Variants in DAGLB observed in about 807,000 individuals in gnomAD.
DAGLB encodes diacylglycerol lipase-beta.
DAGLB carries 66 observed loss-of-function variants against 72.1 expected under a neutral mutation model. The ratio of observed to expected loss-of-function variants is 0.92; its 90% CI spans 0.75 to 1.12. The LOEUF (loss-of-function observed/expected upper bound fraction) is 1.12. Ranked by LOEUF, DAGLB falls within the 50% of genes most tolerant of loss-of-function variation. DAGLB has a pLI of 0.00. For synonymous variants in DAGLB, 414 were observed against 359.5 expected (o/e 1.15, Z -1.71); for missense variants, 1,065 against 884.9 (o/e 1.20, Z -2.58).
intron 13 of DAGLB, among the ~76,000 whole-genome samples, chr7:6,410,581 C>T (rs1783689299): frequency 6.6e-6 from 1 of 152,178 alleles, no homozygotes; most frequent in African/African-American, 2.4e-5. Context: ...TGCCTAGTCA[C>T]AGATCATGAG....
Position 6,409,988 on chromosome 7 carries a change from T to A in DAGLB, c.1868A>T (p.Glu623Val). The change falls in exon 15 of 15, where the codon GAA becomes GTA. Residue 623 changes from glutamate to valine, a missense_variant. Coordinates refer to ENST00000297056, the MANE Select transcript of DAGLB (RefSeq NM_139179.4). ...AAHYSAKWSHEAEFSKILIGP... is the reference protein window; with the variant it reads ...AAHYSAKWSHVAEFSKILIGP... Reference sequence around the variant, plus strand: ...TATGAGTATTTTGCTGAATTCCGCTTCGTGTGACCACTTGGCGCTATAGTG... The same window carrying A: ...TATGAGTATTTTGCTGAATTCCGCTACGTGTGACCACTTGGCGCTATAGTG... The A allele has an allele frequency of 6.2e-7, 1 of 1,614,146 alleles. No homozygotes were observed. Among genetic ancestry groups the A allele is most frequent in the South Asian group, 1.1e-5 (1 of 91,084 alleles).
chr7:6,426,530 A>G (rs1032506814), intron 6 of DAGLB, among the ~76,000 whole-genome samples: 3 of 152,198 alleles, frequency 2.0e-5, no homozygotes, highest in South Asian at 2.1e-4. Flanking sequence ...TTGGCCTCCC[A>G]AAGTGCTGGG....
At chr7:6,441,854 C>T (rs1398265147) in intron 2 of DAGLB, among the ~76,000 whole-genome samples, 1 of 152,134 alleles carries the variant, frequency 6.6e-6, no homozygotes, top group African/African-American at 2.4e-5. Flanking sequence ...TCAACTCAAA[C>T]TGGCTGAAAA....
At chr7:6,430,285 A>ATGG (rs1784444801) in intron 6 of DAGLB, among the ~76,000 whole-genome samples, 195 bp downstream of exon 6, 1 of 98,416 alleles carries the variant, frequency 1.0e-5, no homozygotes, top group Non-Finnish European at 2.0e-5. Flanking sequence ...ATATATATGC[A>ATGG]GGGGGGAGGG....
At chr7:6,430,378 G>A (rs1185640945) in intron 6 of DAGLB, 102 bp downstream of exon 6, 32 of 1,290,004 alleles carry the variant, frequency 2.5e-5, no homozygotes, top group Non-Finnish European at 3.1e-5. Context: ...AAGGATTCAT[G>A]GGAGTTCTTT....
intron 2 of DAGLB, among the ~76,000 whole-genome samples, chr7:6,441,438 G>C (rs1354471272): frequency 1.6e-5 from 2 of 128,194 alleles, no homozygotes; most frequent in Non-Finnish European, 3.2e-5. Flanking sequence ...TTTTTTTTGA[G>C]ACAGAGTCTC....
intron 13 of DAGLB, among the ~76,000 whole-genome samples, chr7:6,411,869 T>G (rs1783740056): frequency 6.6e-6 from 1 of 152,184 alleles, no homozygotes; most frequent in Non-Finnish European, 1.5e-5. Flanking sequence ...AAGAATAATT[T>G]TTAAGTTTTT....
intron 2 of DAGLB, among the ~76,000 whole-genome samples, chr7:6,443,415 T>C (rs1274920459): frequency 3.3e-5 from 5 of 152,162 alleles, no homozygotes; most frequent in Non-Finnish European, 4.4e-5. Flanking sequence ...GATTACGCCA[T>C]TGCAGTCCAG....
chr7:6,413,371 C>T (rs1408090603), intron 11 of DAGLB, among the ~76,000 whole-genome samples: 1 of 152,218 alleles, frequency 6.6e-6, no homozygotes, highest in African/African-American at 2.4e-5. Flanking sequence ...TGGCTCACGC[C>T]TGTAATCCCA....
At chr7:6,421,627 A>C (rs968756275) in intron 9 of DAGLB, 100 bp downstream of exon 9, 4 of 1,088,674 alleles carry the variant, frequency 3.7e-6, no homozygotes, top group Non-Finnish European at 5.1e-6. Flanking sequence ...GCAGCGCGGG[A>C]GGCGCAGGCA....
chr7:6,423,605 C>T (rs836520), intron 8 of DAGLB, among the ~76,000 whole-genome samples: 141,465 of 145,560 alleles, frequency 0.97, 68,769 homozygotes, highest in East Asian at 1. Context: ...TTTTTTTTTT[C>T]TGAGACAGGG....
rs138504843 is a variant in DAGLB at position 6,430,558 on chromosome 7, A to G, written c.851T>C (p.Phe284Ser). The change falls in exon 6 of 15, where the codon TTT becomes TCT. Residue 284 changes from phenylalanine to serine, a missense_variant. Phe to Ser is a radical substitution (Grantham distance 155, BLOSUM62 -2). Transcript: ENST00000297056. ...ELENCHHYMQ[F>S]AAAAYGWPLY... ...GGGCCACCCATAGGCCGCTGCTGCA[A>G]ACTGCATGTAATGATGGCAGTTTTC... 1.9e-6 allele frequency: 3 copies of G among 1,603,722 alleles called. No individual in the cohort carries two copies. The highest frequency in any genetic ancestry group is 2.6e-6 in the Non-Finnish European group (3 of 1,173,130).
intron 2 of DAGLB, among the ~76,000 whole-genome samples, chr7:6,438,768 G>A (rs1289927448): frequency 6.6e-6 from 1 of 152,192 alleles, no homozygotes; most frequent in African/African-American, 2.4e-5. Context: ...AGCACATTGG[G>A]TGGCCAAGGC....
At chr7:6,418,161 G>T (rs896191787) in intron 9 of DAGLB, among the ~76,000 whole-genome samples, 4 of 151,996 alleles carry the variant, frequency 2.6e-5, no homozygotes, top group African/African-American at 9.7e-5. Flanking sequence ...GAGCCACTGT[G>T]CCCAGCAAAA....
intron 6 of DAGLB, among the ~76,000 whole-genome samples, chr7:6,427,684 G>C (rs774559475): frequency 2.0e-5 from 3 of 152,100 alleles, no homozygotes; most frequent in Non-Finnish European, 2.9e-5. Flanking sequence ...TTGGGAGACC[G>C]AGGCAGGTGA....
At chr7:6,422,308 T>C in intron 8 of DAGLB, 3 of 275,140 alleles carry the variant, frequency 1.1e-5, no homozygotes, top group South Asian at 1.0e-4. Context: ...GAAGAGGTTG[T>C]TGTGAAAGCA....
chr7:6,420,709 T>A (rs1784086215), intron 9 of DAGLB, among the ~76,000 whole-genome samples: 1 of 133,412 alleles, frequency 7.5e-6, no homozygotes, highest in Non-Finnish European at 1.5e-5. Flanking sequence ...AACTGACCAA[T>A]GTGTGTCAGG....
chr7:6,423,134 C>T (rs1252978799), intron 8 of DAGLB, among the ~76,000 whole-genome samples: 2 of 152,126 alleles, frequency 1.3e-5, no homozygotes, highest in South Asian at 2.1e-4. Flanking sequence ...TGCCTGTATT[C>T]CCAGCTACTT....
intron 4 of DAGLB, among the ~76,000 whole-genome samples, 178 bp from the exon 5 acceptor site, chr7:6,433,137 G>T (rs756177283): frequency 6.6e-6 from 1 of 152,208 alleles, no homozygotes; most frequent in African/African-American, 2.4e-5. Flanking sequence ...ACCTGAATAT[G>T]TTTTCACATC....
Sources: gnomAD v4.1 joint callset for allele counts (sites outside exome capture counted in the v4.1 genomes callset) on GRCh38, gnomAD v4.1.1 for gene constraint, MANE v1.5 for transcripts, NCBI Gene and HGNC (gene_info 2026-07-23, HGNC 2026-07-21) for gene names.